The following ARHGAP1 variants were observed in gnomAD, a reference collection of about 807,000 sequenced individuals.
ARHGAP1 encodes the protein Rho GTPase activating protein 1.
A neutral mutation model predicts 52.2 loss-of-function variants in ARHGAP1; 23 were observed. That is an observed-to-expected ratio of 0.44 (90% CI 0.32 to 0.62). The LOEUF (loss-of-function observed/expected upper bound fraction) is 0.62, where lower values mean the gene tolerates loss of function less well. Ranked by LOEUF, ARHGAP1 falls within the 20% of genes least tolerant of loss-of-function variation. ARHGAP1 has a pLI of 0.05. For missense variants in ARHGAP1, 480 were observed against 560.9 expected (o/e 0.86, Z 1.46); for synonymous variants, 210 against 228.4 (o/e 0.92, Z 0.73).
chr11:46,684,653 T>C (rs2064554435), intron 4 of ARHGAP1, among the ~76,000 whole-genome samples: 1 of 152,218 alleles, frequency 6.6e-6, no homozygotes, highest in African/African-American at 2.4e-5. Flanking sequence ...GTGAGTGACA[T>C]AGATGTGTTC....
chr11:46,693,142 G>A (rs1400978092), intron 3 of ARHGAP1, among the ~76,000 whole-genome samples: 5 of 152,008 alleles, frequency 3.3e-5, no homozygotes, highest in Admixed American at 2.0e-4. Flanking sequence ...ATGAGCCACC[G>A]CGCCTGGCCT....
intron 1 of ARHGAP1, among the ~76,000 whole-genome samples, chr11:46,699,509 C>T (rs1047260953): frequency 2.0e-5 from 3 of 150,514 alleles, no homozygotes; most frequent in Admixed American, 6.6e-5. Flanking sequence ...TGGAGACCAA[C>T]CTGGCCAAGA....
chr11:46,696,172 A>G lies in ARHGAP1; in HGVS notation c.-49-16T>C. On this transcript the variant is annotated splice_polypyrimidine_tract_variant and intron_variant, in intron 1 of 12. Coordinates refer to ENST00000311956, the MANE Select transcript of ARHGAP1 (RefSeq NM_004308.5). The surrounding 1 kb of genome is among the most constrained non-coding windows in gnomAD (Gnocchi z 4.8). ...TAAGAGAAACCTGGGAGAGAGGAAGACAGGTGGCAGGTCAGTGACCTGCTC... is the reference window on the plus strand; with the variant it reads ...TAAGAGAAACCTGGGAGAGAGGAAGGCAGGTGGCAGGTCAGTGACCTGCTC... The G allele has an allele frequency of 6.6e-7, 1 of 1,522,702 alleles. No homozygotes were observed. Among genetic ancestry groups the G allele is most frequent in the Non-Finnish European group, 8.8e-7 (1 of 1,131,886 alleles). The allele number at this position is 1,522,702 out of a possible 1,614,324, so 94.3% of individuals were successfully genotyped here.
chr11:46,679,302 AGAG>A lies in ARHGAP1; in HGVS notation c.1131+60_1131+62del. ...CTCCCAGCAACAATGACCAGGGCGC[AGAG>A]GAGGCGGCAGCTCCTCCTTCCCCCT... On this transcript the variant is annotated intron_variant, in intron 12 of 12. Coordinates refer to ENST00000311956, the MANE Select transcript of ARHGAP1 (RefSeq NM_004308.5). The surrounding 1 kb of genome is among the most constrained non-coding windows in gnomAD (Gnocchi z 4.4). The A allele has an allele frequency of 6.2e-7, 1 of 1,604,778 alleles. No homozygotes were observed. Among genetic ancestry groups the A allele is most frequent in the Non-Finnish European group, 8.5e-7 (1 of 1,172,930 alleles).
chr11:46,687,386 G>C (rs971910888), intron 4 of ARHGAP1: 1 of 152,316 alleles, frequency 6.6e-6, no homozygotes, highest in Non-Finnish European at 1.5e-5. Context: ...CTGTCCCTAA[G>C]CCCACACCTC....
At chr11:46,692,200 C>G (rs2064619882) in intron 3 of ARHGAP1, among the ~76,000 whole-genome samples, 2 of 152,278 alleles carry the variant, frequency 1.3e-5, no homozygotes, top group South Asian at 4.1e-4. Flanking sequence ...AGCAGACTGG[C>G]AGGGGCCAGG....
rs774989985 is a variant in ARHGAP1 at position 46,685,087 on chromosome 11, CA to C, written c.318-2906del. ...TGGGTGACAGAGCGAGGCTCGGTCT[CA>C]AAAAAAAAAAAAAAAAAAGATACCA... On this transcript the variant is annotated intron_variant, in intron 4 of 12. Transcript: ENST00000311956. 1.3e-3 allele frequency among the ~76,000 whole-genome samples: 106 copies of C among 80,394 alleles called. 1 individual carries two copies. Among genetic ancestry groups the C allele is most frequent in the East Asian group, 5.2e-3 (18 of 3,480 alleles). 52.7% of individuals were successfully genotyped at this position (80,394 alleles called of 152,430 possible). A position where few individuals can be genotyped will look rare whatever the true frequency, so the allele number is the denominator to read the frequency against.
In ARHGAP1 at chr11:46,679,034, G is replaced by A. The variant is rs776503174; in HGVS notation, c.*3C>T. Reference sequence around the variant, plus strand: ...GAAGGGGCTGGTGGGGCAGGGGCCAGGTTCAGAGCCCGCTGGGGTCCGGGC... The same window carrying A: ...GAAGGGGCTGGTGGGGCAGGGGCCAAGTTCAGAGCCCGCTGGGGTCCGGGC... On this transcript the variant is annotated 3_prime_UTR_variant, in exon 13 of 13. Transcript: ENST00000311956. This position sits in a 1 kb window ranked among gnomAD's most constrained non-coding sequence, Gnocchi z 4.4. 3 of 1,614,082 alleles carry A rather than the reference G, an allele frequency of 1.9e-6. No individual in the cohort carries two copies. The highest frequency in any genetic ancestry group is 3.3e-5 in the Admixed American group (2 of 60,004).
Position 46,679,330 on chromosome 11 carries a change from T to G in ARHGAP1, c.1131+35A>C. 1.2e-6 allele frequency: 2 copies of G among 1,610,358 alleles called. No homozygotes were observed. Among genetic ancestry groups the G allele is most frequent in the Non-Finnish European group, 1.7e-6 (2 of 1,177,158 alleles). On this transcript the variant is annotated intron_variant, in intron 12 of 12. Transcript: ENST00000311956. This position sits in a 1 kb window ranked among gnomAD's most constrained non-coding sequence, Gnocchi z 4.4. ...GGAGGCGGCAGCTCCTCCTTCCCCCTCCCTTCACCCCAGAGGCCAAGTCCA... is the reference window on the plus strand; with the variant it reads ...GGAGGCGGCAGCTCCTCCTTCCCCCGCCCTTCACCCCAGAGGCCAAGTCCA...
intron 3 of ARHGAP1, 102 bp downstream of exon 3, chr11:46,695,558 A>T: frequency 8.0e-7 from 1 of 1,247,386 alleles, no homozygotes; most frequent in Non-Finnish European, 1.1e-6. Context: ...CACCAGGGCC[A>T]GCGGTCAGAC....
At chr11:46,685,553 C>T (rs1438178324) in intron 4 of ARHGAP1, among the ~76,000 whole-genome samples, 1 of 151,930 alleles carries the variant, frequency 6.6e-6, no homozygotes, top group Non-Finnish European at 1.5e-5. Context: ...TGTTGAACTC[C>T]TGACCTCGTG....
At chr11:46,695,593 T>C (rs995764304) in intron 3 of ARHGAP1, 67 bp downstream of exon 3, 4 of 1,437,738 alleles carry the variant, frequency 2.8e-6, no homozygotes, top group African/African-American at 2.8e-5. Context: ...TCCCCTGTGG[T>C]GTGAAGGGCT....
At position 46,678,502 on chromosome 11, in the gene ARHGAP1, T is replaced by C; in HGVS notation, c.*535A>G. 5.9e-6 allele frequency: 1 copy of C among 169,646 alleles called. No individual in the cohort carries two copies. Among genetic ancestry groups the C allele is most frequent in the Non-Finnish European group, 1.3e-5 (1 of 77,856 alleles). 10.5% of individuals were successfully genotyped at this position (169,646 alleles called of 1,614,324 possible). On this transcript the variant is annotated 3_prime_UTR_variant, in exon 13 of 13. Coordinates refer to ENST00000311956, the MANE Select transcript of ARHGAP1 (RefSeq NM_004308.5). ...GGGGAAATACCCCAGACTGCGCTGC[T>C]GGGGGCAGTACAGGAGCAAGGGTGC...
chr11:46,679,168 C>T lies in ARHGAP1; in HGVS notation c.1189G>A (p.Gly397Ser), dbSNP rs773061818. The change falls in exon 13 of 13, where the codon GGC (glycine) becomes AGC (serine). Residue 397 changes from glycine (G) to serine (S), a missense_variant. Coordinates refer to ENST00000311956, the MANE Select transcript of ARHGAP1 (RefSeq NM_004308.5). The surrounding 1 kb of genome is among the most constrained non-coding windows in gnomAD (Gnocchi z 4.4). ...MTNTNLAVVF[G>S]PNLLWAKDAA... Reference sequence around the variant, plus strand: ...TCCTTGGCCCACAGCAGGTTAGGGCCGAAAACAACAGCCAGGTTAGTGTTG... The same window carrying T: ...TCCTTGGCCCACAGCAGGTTAGGGCTGAAAACAACAGCCAGGTTAGTGTTG... 15 of 1,613,196 alleles carry T rather than the reference C, an allele frequency of 9.3e-6. No individual in the cohort carries two copies. The highest frequency in any genetic ancestry group is 1.2e-5 in the Non-Finnish European group (14 of 1,179,532).
intron 3 of ARHGAP1, among the ~76,000 whole-genome samples, chr11:46,692,052 G>C (rs1439335660): frequency 6.6e-6 from 1 of 152,190 alleles, no homozygotes; most frequent in Non-Finnish European, 1.5e-5. Context: ...TGTTTTGAAG[G>C]ACCAGGTGGT....
At chr11:46,700,031 G>A (rs1324846004) in intron 1 of ARHGAP1, among the ~76,000 whole-genome samples, 1 of 152,018 alleles carries the variant, frequency 6.6e-6, no homozygotes, top group Non-Finnish European at 1.5e-5. Flanking sequence ...TTAGCCGGGC[G>A]TGGTGGCGGA....
chr11:46,685,087 C>CA (rs774989985), intron 4 of ARHGAP1, among the ~76,000 whole-genome samples: 19,202 of 80,108 alleles, frequency 0.24, 2,468 homozygotes, highest in East Asian at 0.61. Context: ...GGCTCGGTCT[C>CA]AAAAAAAAAA....
At chr11:46,699,240 T>C (rs935932528) in intron 1 of ARHGAP1, among the ~76,000 whole-genome samples, 1 of 152,212 alleles carries the variant, frequency 6.6e-6, no homozygotes, top group Non-Finnish European at 1.5e-5. Flanking sequence ...ACCTGATATA[T>C]AGTAGATGCT....
In ARHGAP1 at chr11:46,699,120, CAT is replaced by C. The variant is rs1397246847; in HGVS notation, c.-50+1429_-50+1430del. ...TTGTAGACTTTTCTGAAATTGGTAA[CAT>C]GTGTGGACTTTTTCCCTAAGAAAAC... On this transcript the variant is annotated intron_variant, in intron 1 of 12. Transcript: ENST00000311956. 4.6e-5 allele frequency among the ~76,000 whole-genome samples: 7 copies of C among 152,188 alleles called. No individual in the cohort carries two copies. In the East Asian group the frequency reaches 5.8e-4, roughly 13 times the overall value.
Sources: gnomAD v4.1 joint callset for allele counts (sites outside exome capture counted in the v4.1 genomes callset) on GRCh38, gnomAD v4.1.1 for gene constraint, Gnocchi (gnomAD v3.1) non-coding constraint, MANE v1.5 for transcripts, NCBI Gene and HGNC (gene_info 2026-07-23, HGNC 2026-07-21) for gene names.